Variants in SLX4IP observed in about 807,000 individuals in gnomAD.
SLX4IP encodes the protein SLX4 interacting protein.
Under a neutral mutation model 32.9 loss-of-function variants are expected in SLX4IP, and 34 were observed. The ratio of observed to expected loss-of-function variants is 1.03; its 90% CI spans 0.79 to 1.38. SLX4IP has a LOEUF of 1.38. Ranked by LOEUF, SLX4IP falls within the 40% of genes most tolerant of loss-of-function variation. The probability of loss-of-function intolerance (pLI) is 0.00; values close to 1 mark genes in which losing one functional copy is unlikely to be tolerated. For synonymous variants in SLX4IP, 172 were observed against 171.7 expected (o/e 1.00, Z -0.01); for missense variants, 444 against 479.0 (o/e 0.93, Z 0.68).
Position 10,479,047 on chromosome 20 carries a change from A to C in SLX4IP, c.27+20816A>C, listed in dbSNP as rs547437764. 1.6e-4 allele frequency among the ~76,000 whole-genome samples: 25 copies of C among 152,304 alleles called. 1 individual carries two copies. Among genetic ancestry groups the C allele is most frequent in the Admixed American group, 9.2e-4 (14 of 15,300 alleles). ...GGATGAGCTTGCCAATCCTCCCCCTACTCAGGCCTCTGCCCAGATTCGGGA... is the reference window on the plus strand; with the variant it reads ...GGATGAGCTTGCCAATCCTCCCCCTCCTCAGGCCTCTGCCCAGATTCGGGA... On this transcript the variant is annotated intron_variant, in intron 2 of 7. Coordinates refer to ENST00000334534, the MANE Select transcript of SLX4IP (RefSeq NM_001009608.3).
intron 6 of SLX4IP, among the ~76,000 whole-genome samples, chr20:10,620,524 T>C (rs145683544): frequency 2.6e-4 from 39 of 152,282 alleles, no homozygotes; most frequent in African/African-American, 8.7e-4. Flanking sequence ...TTAAAAGATT[T>C]GACTGTTGCT....
At chr20:10,547,714 G>C (rs2066176486) in intron 2 of SLX4IP, among the ~76,000 whole-genome samples, 1 of 152,032 alleles carries the variant, frequency 6.6e-6, no homozygotes, top group African/African-American at 2.4e-5. Context: ...TTTTTTTCCT[G>C]CGTTCAGGGT....
chr20:10,613,260 A>G, intron 6 of SLX4IP: 1 of 618,852 alleles, frequency 1.6e-6, no homozygotes, highest in East Asian at 2.7e-5. Flanking sequence ...AGTGCTTTCT[A>G]GGAAATACTA....
At chr20:10,607,295 T>C (rs1181931924) in intron 6 of SLX4IP, among the ~76,000 whole-genome samples, 2 of 152,202 alleles carry the variant, frequency 1.3e-5, no homozygotes, top group African/African-American at 2.4e-5. Context: ...TTGGGTTCTC[T>C]GCCTTATGCT....
chr20:10,556,822 G>C (rs561984061), intron 3 of SLX4IP, among the ~76,000 whole-genome samples: 1 of 152,308 alleles, frequency 6.6e-6, no homozygotes, highest in African/African-American at 2.4e-5. Context: ...TCTCACAATG[G>C]TCAGTCAGGA....
intron 6 of SLX4IP, among the ~76,000 whole-genome samples, chr20:10,604,560 G>C (rs751389932): frequency 6.6e-6 from 1 of 152,276 alleles, no homozygotes; most frequent in Admixed American, 6.5e-5. Context: ...AAGAACTGCT[G>C]TTCCAGATCA....
chr20:10,545,188 A>G (rs879769949), intron 2 of SLX4IP, among the ~76,000 whole-genome samples: 1 of 152,182 alleles, frequency 6.6e-6, no homozygotes, highest in Admixed American at 6.5e-5. Context: ...TCGTACACAC[A>G]GAGAGCTTTC....
chr20:10,461,945 T>C (rs2065341551), intron 2 of SLX4IP, among the ~76,000 whole-genome samples: 1 of 151,982 alleles, frequency 6.6e-6, no homozygotes, highest in Non-Finnish European at 1.5e-5. Flanking sequence ...TCTCGGCTAA[T>C]TTTTTTTATT....
intron 2 of SLX4IP, among the ~76,000 whole-genome samples, chr20:10,467,960 G>T (rs1485256830): frequency 6.6e-6 from 1 of 152,068 alleles, no homozygotes; most frequent in African/African-American, 2.4e-5. Context: ...AAACTAGTCT[G>T]TTCTTTTTTT....
At chr20:10,576,029 T>C (rs2066519547) in intron 4 of SLX4IP, among the ~76,000 whole-genome samples, 1 of 152,170 alleles carries the variant, frequency 6.6e-6, no homozygotes, top group African/African-American at 2.4e-5. Context: ...ATTTGGGGGA[T>C]TCTAACCCAA....
At chr20:10,532,229 T>C (rs2065995894) in intron 2 of SLX4IP, among the ~76,000 whole-genome samples, 2 of 152,096 alleles carry the variant, frequency 1.3e-5, no homozygotes, top group Non-Finnish European at 2.9e-5. Context: ...AAAGAACTAA[T>C]CAAAAGATTG....
intron 2 of SLX4IP, among the ~76,000 whole-genome samples, chr20:10,513,374 G>C (rs776172687): frequency 2.0e-5 from 3 of 152,178 alleles, no homozygotes; most frequent in Non-Finnish European, 4.4e-5. Flanking sequence ...CCCAAGCTGG[G>C]AGATTGAACA....
At chr20:10,488,257 G>A (rs2065591193) in intron 2 of SLX4IP, among the ~76,000 whole-genome samples, 1 of 152,192 alleles carries the variant, frequency 6.6e-6, no homozygotes, top group South Asian at 2.1e-4. Context: ...TATGACTGAT[G>A]TTCCTATAGA....
At chr20:10,499,999 A>G (rs2065701953) in intron 2 of SLX4IP, among the ~76,000 whole-genome samples, 1 of 152,216 alleles carries the variant, frequency 6.6e-6, no homozygotes, top group Non-Finnish European at 1.5e-5. Flanking sequence ...GACTTATTTA[A>G]GAAACACCTC....
chr20:10,606,448 T>C (rs965110614), intron 6 of SLX4IP, among the ~76,000 whole-genome samples: 2 of 152,210 alleles, frequency 1.3e-5, no homozygotes, highest in African/African-American at 2.4e-5. Context: ...TTTTTCATGA[T>C]CTATCATAGA....
chr20:10,579,078 T>A (rs1456709125), intron 4 of SLX4IP, among the ~76,000 whole-genome samples: 3 of 152,230 alleles, frequency 2.0e-5, no homozygotes, highest in East Asian at 1.9e-4. Context: ...ATTTTAATGA[T>A]GTCCAATTCA....
chr20:10,447,804 G>C (rs2122326178), intron 1 of SLX4IP, among the ~76,000 whole-genome samples: 1 of 151,260 alleles, frequency 6.6e-6, no homozygotes, highest in South Asian at 2.1e-4. Flanking sequence ...GGGCTCAAGT[G>C]ATCCTCCTGC....
At chr20:10,605,256 C>T (rs1278827127) in intron 6 of SLX4IP, among the ~76,000 whole-genome samples, 3 of 152,180 alleles carry the variant, frequency 2.0e-5, no homozygotes, top group African/African-American at 7.2e-5. Flanking sequence ...GGAGATCAGC[C>T]TTCCCATCTG....
At chr20:10,531,586 A>G (rs575804185) in intron 2 of SLX4IP, among the ~76,000 whole-genome samples, 2 of 152,246 alleles carry the variant, frequency 1.3e-5, no homozygotes, top group Non-Finnish European at 2.9e-5. Context: ...CCTTGGTCTC[A>G]TGGAGATGGC....
Sources: allele counts gnomAD v4.1 joint callset (sites outside exome capture counted in the v4.1 genomes callset), GRCh38; gene constraint gnomAD v4.1.1; transcripts MANE v1.5; gene names NCBI Gene and HGNC (gene_info 2026-07-23, HGNC 2026-07-21).